The following FAS variants were observed in gnomAD, a reference collection of about 807,000 sequenced individuals.
FAS encodes Fas cell surface death receptor, also known as tumor necrosis factor receptor superfamily member 6.
A neutral mutation model predicts 33.2 loss-of-function variants in FAS; 5 were observed. The ratio of observed to expected loss-of-function variants is 0.15; its 90% CI spans 0.08 to 0.32. FAS has a LOEUF of 0.32. FAS is among the 10% of genes least tolerant of loss of function. FAS has a pLI of 1.00. For missense variants in FAS, 339 were observed against 386.0 expected, an observed-to-expected ratio of 0.88 and a Z score of 1.02; for synonymous variants, 131 against 130.7, an observed-to-expected ratio of 1.00 and a Z score of -0.01.
chr10:88,968,131 T>C (rs568422625), intron 1 of FAS, among the ~76,000 whole-genome samples: 1 of 152,320 alleles, frequency 6.6e-6, no homozygotes, highest in East Asian at 1.9e-4. Flanking sequence ...TTTGCAGTTA[T>C]ATGTATTTAA....
At chr10:88,977,542 A>G (rs1846596167) in intron 2 of FAS, among the ~76,000 whole-genome samples, 1 of 152,232 alleles carries the variant, frequency 6.6e-6, no homozygotes, top group African/African-American at 2.4e-5. Flanking sequence ...GAACTCAAAC[A>G]AATTTACAAG....
At chr10:88,970,203 A>C (rs146937387) in intron 1 of FAS, among the ~76,000 whole-genome samples, 18 of 152,272 alleles carry the variant, frequency 1.2e-4, no homozygotes, top group Non-Finnish European at 5.9e-5. Context: ...TTCTCTACTC[A>C]TAGGCAAAGT....
chr10:89,000,766 G>A (rs952355822), intron 1 of FAS, among the ~76,000 whole-genome samples: 4 of 152,152 alleles, frequency 2.6e-5, no homozygotes, highest in Admixed American at 2.6e-4. Flanking sequence ...AATCCTCTTG[G>A]CCGGGTGCGT....
At chr10:88,972,249 A>G (rs910280414) in intron 1 of FAS, among the ~76,000 whole-genome samples, 3 of 152,158 alleles carry the variant, frequency 2.0e-5, no homozygotes, top group African/African-American at 7.2e-5. Flanking sequence ...AAATGAAACA[A>G]GGTCCTCAAT....
At chr10:88,978,402 AAAATAAAT>A (rs369548963) in intron 2 of FAS, among the ~76,000 whole-genome samples, 38 of 152,212 alleles carry the variant, frequency 2.5e-4, no homozygotes, top group African/African-American at 9.2e-4. Flanking sequence ...AGTATAATAA[AAAATAAAT>A]AAATAAATAA....
At chr10:88,985,358 A>G (rs901184023), upstream of FAS, among the ~76,000 whole-genome samples, 9 of 152,200 alleles carry the variant, frequency 5.9e-5, no homozygotes, top group Non-Finnish European at 1.0e-4. Flanking sequence ...CAGATTATCC[A>G]AATCAAAACT....
At position 89,008,911 on chromosome 10, in the gene FAS, C is replaced by T; in HGVS notation, c.357C>T (p.Cys119=). The change falls in exon 4 of 9, where the codon TGC becomes TGT. Residue 119 remains cysteine (C), a synonymous_variant. Transcript: ENST00000652046. The part of the protein sequence containing the change: ...EGHGLEVEIN[C]TRTQNTKCRC... ...TAGGCTTAGAAGTGGAAATAAACTG[C>T]ACCCGGACCCAGAATACCAAGTGCA... 6.2e-7 allele frequency: 1 copy of T among 1,614,022 alleles called. No individual in the cohort carries two copies. The highest frequency in any genetic ancestry group is 1.3e-5 in the African/African-American group (1 of 75,036).
At chr10:88,967,625 G>T (rs1363928806) in intron 1 of FAS, among the ~76,000 whole-genome samples, 4 of 152,124 alleles carry the variant, frequency 2.6e-5, no homozygotes. Flanking sequence ...TCAGGTATCA[G>T]AGCCCTTGTT....
chr10:89,011,018 G>A, intron 6 of FAS: 2 of 646,784 alleles, frequency 3.1e-6, no homozygotes, highest in East Asian at 5.6e-5. Context: ...CAACAGTTTT[G>A]GGGCATTGAG....
chr10:88,967,289 A>G (rs936176867), intron 1 of FAS, among the ~76,000 whole-genome samples: 1 of 152,186 alleles, frequency 6.6e-6, no homozygotes, highest in Admixed American at 6.5e-5. Flanking sequence ...AAAAGGCATC[A>G]TCAGGTAGGG....
At chr10:89,013,085 T>A (rs1320196252) in intron 7 of FAS, among the ~76,000 whole-genome samples, 1 of 152,152 alleles carries the variant, frequency 6.6e-6, no homozygotes, top group Non-Finnish European at 1.5e-5. Flanking sequence ...TCAACCTATT[T>A]TATGAATTCT....
upstream of FAS, among the ~76,000 whole-genome samples, chr10:88,986,173 G>C (rs1846875668): frequency 6.6e-6 from 1 of 152,164 alleles, no homozygotes; most frequent in Non-Finnish European, 1.5e-5. Context: ...CTTAAGCTAA[G>C]CCCACTCAGG....
intron 2 of FAS, among the ~76,000 whole-genome samples, chr10:89,006,687 T>C (rs1848247279): frequency 6.6e-6 from 1 of 152,172 alleles, no homozygotes. Flanking sequence ...ATATATTTAT[T>C]TGTGTATTGT....
chr10:88,979,668 T>C (rs917564863), intron 2 of FAS, among the ~76,000 whole-genome samples: 8 of 152,062 alleles, frequency 5.3e-5, no homozygotes, highest in Admixed American at 4.6e-4. Flanking sequence ...ACAGCATAAA[T>C]GCCATGGTTT....
At chr10:89,002,363 T>C (rs973043095) in intron 1 of FAS, among the ~76,000 whole-genome samples, 3 of 152,210 alleles carry the variant, frequency 2.0e-5, no homozygotes, top group Non-Finnish European at 2.9e-5. Flanking sequence ...AACCAGGAAT[T>C]GTGGCCCTTC....
exon 2 of FAS, chr10:88,973,315 A>G: frequency 6.4e-7 from 1 of 1,574,354 alleles, no homozygotes; most frequent in Non-Finnish European, 8.6e-7. Flanking sequence ...CAGCTCTGAG[A>G]GAGACAAGAA....
At chr10:89,001,051 AAAAC>A (rs1460633004) in intron 1 of FAS, among the ~76,000 whole-genome samples, 1 of 151,730 alleles carries the variant, frequency 6.6e-6, no homozygotes, top group African/African-American at 2.4e-5. Flanking sequence ...GACTCCGTCT[AAAAC>A]AAAACAAAAC....
At chr10:89,009,879 A>T (rs1365092329) in intron 4 of FAS, among the ~76,000 whole-genome samples, 3 of 152,216 alleles carry the variant, frequency 2.0e-5, no homozygotes, top group Admixed American at 2.0e-4. Context: ...TTGTCATCAT[A>T]ACCTTTTGAA....
chr10:88,970,874 A>AGTGT (rs72431070), intron 1 of FAS, among the ~76,000 whole-genome samples: 1 of 151,370 alleles, frequency 6.6e-6, no homozygotes, highest in African/African-American at 2.4e-5. Flanking sequence ...ATAATAAAAA[A>AGTGT]GTGTGTGTGT....
Sources: gnomAD v4.1 joint callset for allele counts (sites outside exome capture counted in the v4.1 genomes callset) on GRCh38, gnomAD v4.1.1 for gene constraint, MANE v1.5 for transcripts, NCBI Gene and HGNC (gene_info 2026-07-23, HGNC 2026-07-21) for gene names.